OR5H1: variants seen among roughly 807,000 people sequenced by gnomAD.
OR5H1 encodes the protein olfactory receptor family 5 subfamily H member 1.
For missense variants in OR5H1, 378 were observed against 366.8 expected (o/e 1.03, Z -0.25); for synonymous variants, 124 against 134.4 (o/e 0.92, Z 0.54).
rs760809943 is a variant in OR5H1 at position 98,132,897 on chromosome 3, C to T, written c.200C>T (p.Ala67Val). The change falls in exon 2 of 2, where the codon GCT (alanine) becomes GTT (valine). Residue 67 changes from alanine (A) to valine (V), a missense_variant. By Grantham distance (64) the Ala-to-Val change is moderately conservative. Coordinates refer to ENST00000641874, the MANE Select transcript of OR5H1 (RefSeq NM_001005338.2). The part of the protein sequence containing the change: ...IPMYLLLGNL[A>V]FVDAWISSTV... ...ATGTACTTACTCCTTGGGAATTTAG[C>T]TTTTGTGGATGCTTGGATATCATCC... 6.2e-6 allele frequency: 10 copies of T among 1,613,344 alleles called. No homozygotes were observed. Among genetic ancestry groups the T allele is most frequent in the Non-Finnish European group, 8.5e-6 (10 of 1,179,568 alleles).
chr3:98,132,112 C>G (rs926557282), intron 1 of OR5H1, among the ~76,000 whole-genome samples: 4 of 151,988 alleles, frequency 2.6e-5, no homozygotes, highest in Non-Finnish European at 5.9e-5. Context: ...AAAACTCACT[C>G]AGATAATTTT....
At position 98,135,541 on chromosome 3, in the gene OR5H1, T is replaced by C. The variant is rs1317235790; in HGVS notation, c.*1902T>C. On this transcript the variant is annotated 3_prime_UTR_variant, in exon 2 of 2. Transcript: ENST00000641874. ...TCAGCATGGAACTCATAAGTTACAA[T>C]GTCTGGTCTCTTACAGAAGTGTTTC... 6.6e-6 allele frequency: 1 copy of C among 152,206 alleles called. No homozygotes were observed. Among genetic ancestry groups the C allele is most frequent in the Non-Finnish European group, 1.5e-5 (1 of 68,030 alleles). The allele number at this position is 152,206 out of a possible 1,614,324, so 9.4% of individuals were successfully genotyped here.
chr3:98,131,976 T>C (rs1708262360), intron 1 of OR5H1, among the ~76,000 whole-genome samples: 2 of 152,072 alleles, frequency 1.3e-5, no homozygotes, highest in South Asian at 2.1e-4. Flanking sequence ...TTCAATGTCA[T>C]ATCACACCAA....
rs1282202548 is a variant in OR5H1, at chr3:98,136,929, A to G, written c.*3290A>G. On this transcript the variant is annotated 3_prime_UTR_variant, in exon 2 of 2. Transcript: ENST00000641874. The stretch of plus-strand genomic sequence containing the variant: ...CTCCAAACAAACACCTTTTACTTAT[A>G]AATTACCCAGCCTCAAGAATTTCTT... 6.6e-6 allele frequency: 1 copy of G among 152,194 alleles called. No homozygotes were observed. The highest frequency in any genetic ancestry group is 1.5e-5 in the Non-Finnish European group (1 of 68,030). The allele number at this position is 152,194 out of a possible 1,614,324, so 9.4% of individuals were successfully genotyped here. A position where few individuals can be genotyped will look rare whatever the true frequency, so the allele number is the denominator to read the frequency against.
rs1708334379 is a variant in OR5H1 at position 98,137,556 on chromosome 3, G to A, written c.*3917G>A. 1 of 152,172 alleles carries A rather than the reference G, an allele frequency of 6.6e-6. No individual in the cohort carries two copies. Among genetic ancestry groups the A allele is most frequent in the Admixed American group, 6.5e-5 (1 of 15,280 alleles). 9.4% of individuals were successfully genotyped at this position (152,172 alleles called of 1,614,324 possible). A position where few individuals can be genotyped will look rare whatever the true frequency, so the allele number is the denominator to read the frequency against. ...ACAATTTCATAATTCCTAGAAGTAT[G>A]TGCTTTCCCATTATATAATTTTTCA... is the stretch of plus-strand genomic sequence containing the variant. On this transcript the variant is annotated 3_prime_UTR_variant, in exon 2 of 2. Transcript: ENST00000641874.
In OR5H1 at chr3:98,133,084, T is replaced by C. The variant is rs771230897; in HGVS notation, c.387T>C (p.Pro129=). 2.2e-5 allele frequency: 35 copies of C among 1,613,502 alleles called. No homozygotes were observed. The highest frequency in any genetic ancestry group is 3.3e-5 in the Admixed American group (2 of 59,964). Residue 129 remains proline (P), a synonymous_variant, in exon 2 of 2, where the codon CCT becomes CCC. Transcript: ENST00000641874. ...AYDRYVAICK[P]LLYPAIMTNG... is the part of the protein sequence containing the mutation. ...ATCGCTATGTAGCCATATGCAAACC[T>C]TTACTTTATCCAGCCATTATGACCA... is the stretch of plus-strand genomic sequence containing the variant.
At position 98,136,894 on chromosome 3, in the gene OR5H1, C is replaced by A. The variant is rs1005280470; in HGVS notation, c.*3255C>A. On this transcript the variant is annotated 3_prime_UTR_variant, in exon 2 of 2. Coordinates refer to ENST00000641874, the MANE Select transcript of OR5H1 (RefSeq NM_001005338.2). ...TAAGCCTTGTTTTCTGTATAGCCTG[C>A]AGAATTGTTCTCCAAACAAACACCT... 14 of 152,196 alleles carry A rather than the reference C, an allele frequency of 9.2e-5. No homozygotes were observed. Among genetic ancestry groups the A allele is most frequent in the African/African-American group, 3.4e-4 (14 of 41,460 alleles). The allele number at this position is 152,196 out of a possible 1,614,324, so 9.4% of individuals were successfully genotyped here. A position where few individuals can be genotyped will look rare whatever the true frequency, so the allele number is the denominator to read the frequency against.
Position 98,133,742 on chromosome 3 carries a change from C to A in OR5H1, c.*103C>A. On this transcript the variant is annotated 3_prime_UTR_variant, in exon 2 of 2. Coordinates refer to ENST00000641874, the MANE Select transcript of OR5H1 (RefSeq NM_001005338.2). ...ATTTTTGCAAGTACAACTGTTCTAG[C>A]ACTTTAGTGAGCTAATGTTTTAGTA... 1.1e-6 allele frequency: 1 copy of A among 872,272 alleles called. No homozygotes were observed. 54.0% of individuals were successfully genotyped at this position (872,272 alleles called of 1,614,324 possible).
chr3:98,134,506 G>A lies in OR5H1; in HGVS notation c.*867G>A, dbSNP rs1236330365. ...TATTGCAAGGTTGTTGGAATGTGTT[G>A]TTATCAACAAGAAGTTTTAAATGCC... On this transcript the variant is annotated 3_prime_UTR_variant, in exon 2 of 2. Coordinates refer to ENST00000641874, the MANE Select transcript of OR5H1 (RefSeq NM_001005338.2). 6 of 152,030 alleles carry A rather than the reference G, an allele frequency of 3.9e-5. No homozygotes were observed. Among genetic ancestry groups the A allele is most frequent in the African/African-American group, 1.4e-4 (6 of 41,420 alleles). 9.4% of individuals were successfully genotyped at this position (152,030 alleles called of 1,614,324 possible).
In OR5H1 at chr3:98,135,997, A is replaced by C. The variant is rs1270538239; in HGVS notation, c.*2358A>C. On this transcript the variant is annotated 3_prime_UTR_variant, in exon 2 of 2. Transcript: ENST00000641874. The stretch of plus-strand genomic sequence containing the variant: ...CTGAGTGGGACACTAAGCATCATGC[A>C]TGAAGATTATCCTCTGACATTTATA... The C allele has an allele frequency of 1.3e-5, 2 of 152,220 alleles. No homozygotes were observed. Among genetic ancestry groups the C allele is most frequent in the South Asian group, 2.1e-4 (1 of 4,836 alleles). The allele number at this position is 152,220 out of a possible 1,614,324, so 9.4% of individuals were successfully genotyped here.
rs1708323576 is a variant in OR5H1 at position 98,136,827 on chromosome 3, C to G, written c.*3188C>G. 6.6e-6 allele frequency: 1 copy of G among 152,170 alleles called. No homozygotes were observed. The highest frequency in any genetic ancestry group is 2.4e-5 in the African/African-American group (1 of 41,444). The allele number at this position is 152,170 out of a possible 1,614,324, so 9.4% of individuals were successfully genotyped here. ...TTGCCAGCTCCACTTCGCCTGCTGT[C>G]ATGAGTGAAGTAGGCTGAAGCTGTC... On this transcript the variant is annotated 3_prime_UTR_variant, in exon 2 of 2. Transcript: ENST00000641874.
At chr3:98,132,559 G>T in intron 1 of OR5H1, 121 bp from the exon 2 acceptor site, 1 of 1,073,078 alleles carries the variant, frequency 9.3e-7, no homozygotes, top group Non-Finnish European at 1.3e-6. Flanking sequence ...TCAGCTATAG[G>T]ACTGATCAAA....
In OR5H1 at chr3:98,135,525, A is replaced by G. The variant is rs1708307807; in HGVS notation, c.*1886A>G. ...CTGGTTTGTCTTTGTCTCAGCATGGAACTCATAAGTTACAATGTCTGGTCT... is the reference window on the plus strand; with the variant it reads ...CTGGTTTGTCTTTGTCTCAGCATGGGACTCATAAGTTACAATGTCTGGTCT... On this transcript the variant is annotated 3_prime_UTR_variant, in exon 2 of 2. Coordinates refer to ENST00000641874, the MANE Select transcript of OR5H1 (RefSeq NM_001005338.2). 6.6e-6 allele frequency: 1 copy of G among 152,186 alleles called. No homozygotes were observed. Among genetic ancestry groups the G allele is most frequent in the South Asian group, 2.1e-4 (1 of 4,832 alleles). The allele number at this position is 152,186 out of a possible 1,614,324, so 9.4% of individuals were successfully genotyped here.
chr3:98,137,932 A>T lies in OR5H1; in HGVS notation c.*4293A>T, dbSNP rs1347400506. 2 of 152,092 alleles carry T rather than the reference A, an allele frequency of 1.3e-5. No individual in the cohort carries two copies. The highest frequency in any genetic ancestry group is 2.9e-5 in the Non-Finnish European group (2 of 68,012). The allele number at this position is 152,092 out of a possible 1,614,324, so 9.4% of individuals were successfully genotyped here. ...TTGGTTTACTCATGAAAATTTCATA[A>T]GACATTAGACACAGCCAGTCATCGT... is the stretch of plus-strand genomic sequence containing the variant. On this transcript the variant is annotated 3_prime_UTR_variant, in exon 2 of 2. Transcript: ENST00000641874.
In OR5H1 at chr3:98,137,875, T is replaced by C. The variant is rs1375365028; in HGVS notation, c.*4236T>C. 6.6e-6 allele frequency: 1 copy of C among 152,158 alleles called. No homozygotes were observed. The allele number at this position is 152,158 out of a possible 1,614,324, so 9.4% of individuals were successfully genotyped here. On this transcript the variant is annotated 3_prime_UTR_variant, in exon 2 of 2. Coordinates refer to ENST00000641874, the MANE Select transcript of OR5H1 (RefSeq NM_001005338.2). ...TTCATTTATAAACGTATATTGTACT[T>C]ACATCTATTTAATTCACTTATTCTG...
In OR5H1 at chr3:98,136,689, A is replaced by G. The variant is rs988134275; in HGVS notation, c.*3050A>G. The G allele has an allele frequency of 4.6e-5, 7 of 152,088 alleles. No individual in the cohort carries two copies. Among genetic ancestry groups the G allele is most frequent in the African/African-American group, 1.7e-4 (7 of 41,390 alleles). 9.4% of individuals were successfully genotyped at this position (152,088 alleles called of 1,614,324 possible). ...TCATGAATGCCTTGGTGCCATCATCATAGTAATAAGCATGTTCTTACTGTC... is the reference window on the plus strand; with the variant it reads ...TCATGAATGCCTTGGTGCCATCATCGTAGTAATAAGCATGTTCTTACTGTC... On this transcript the variant is annotated 3_prime_UTR_variant, in exon 2 of 2. Transcript: ENST00000641874.
rs767347057 is a variant in OR5H1, at chr3:98,132,989, A to G, written c.292A>G (p.Lys98Glu). The change falls in exon 2 of 2, where the codon AAG becomes GAG. Residue 98 changes from lysine (K) to glutamate (E), a missense_variant. Coordinates refer to ENST00000641874, the MANE Select transcript of OR5H1 (RefSeq NM_001005338.2). ...TAAGATGATATCTCTCTCTGAATGC[A>G]AGATACAGTTTTTTTCGTTTGCAAT... Reference protein sequence around the residue: ...KSKMISLSECKIQFFSFAISV... With the variant: ...KSKMISLSECEIQFFSFAISV... The G allele has an allele frequency of 6.2e-7, 1 of 1,613,676 alleles. No homozygotes were observed.
rs1384870424 is a variant in OR5H1 at position 98,135,501 on chromosome 3, T to G, written c.*1862T>G. The G allele has an allele frequency of 5.3e-5, 8 of 152,234 alleles. No individual in the cohort carries two copies. Among genetic ancestry groups the G allele is most frequent in the African/African-American group, 1.9e-4 (8 of 41,470 alleles). The allele number at this position is 152,234 out of a possible 1,614,324, so 9.4% of individuals were successfully genotyped here. ...TTGCACTCTCTGTGGCCAGCACAGC[T>G]GGTTTGTCTTTGTCTCAGCATGGAA... is the stretch of plus-strand genomic sequence containing the variant. On this transcript the variant is annotated 3_prime_UTR_variant, in exon 2 of 2. Coordinates refer to ENST00000641874, the MANE Select transcript of OR5H1 (RefSeq NM_001005338.2).
At chr3:98,130,959 A>C (rs567359479) in intron 1 of OR5H1, 109 bp downstream of exon 1, 3 of 152,234 alleles carry the variant, frequency 2.0e-5, no homozygotes, top group African/African-American at 7.2e-5. Context: ...CATAATAGAA[A>C]GTCAGAAACT....
Sources: gnomAD v4.1 joint callset for allele counts (sites outside exome capture counted in the v4.1 genomes callset) on GRCh38, gnomAD v4.1.1 for gene constraint, MANE v1.5 for transcripts, NCBI Gene and HGNC (gene_info 2026-07-23, HGNC 2026-07-21) for gene names.